The following OR14A16 variants were observed in gnomAD, a reference collection of about 807,000 sequenced individuals.
OR14A16 encodes the protein olfactory receptor 14A16.
For synonymous variants in OR14A16, 135 were observed against 137.6 expected (o/e 0.98, Z 0.13); for missense variants, 341 against 366.5 (o/e 0.93, Z 0.57).
chr1:247,821,768 G>C lies in OR14A16; in HGVS notation c.-131+2185C>G, dbSNP rs569601018. Among the ~76,000 whole-genome samples the C allele has an allele frequency of 1.1e-4, 16 of 146,050 alleles. 2 individuals are homozygous for C. In the South Asian group the frequency reaches 3.6e-3, roughly 32 times the overall value. On this transcript the variant is annotated intron_variant, in intron 1 of 2. Transcript: ENST00000641093. ...GGGTAGTACTTACTGCTGCCATTTTGTTAAATATTTTCTGGAGTTCTTTTG... is the reference window on the plus strand; with the variant it reads ...GGGTAGTACTTACTGCTGCCATTTTCTTAAATATTTTCTGGAGTTCTTTTG...
At position 247,816,302 on chromosome 1, in the gene OR14A16, G is replaced by A. The variant is rs116248530; in HGVS notation, c.-15-558C>T. ...ACTTACTCTCTAAAAAACTTTGTTT[G>A]CAGGTATTCTCACATTTGAAATTTT... On this transcript the variant is annotated intron_variant, in intron 2 of 2. Transcript: ENST00000641093. Among the ~76,000 whole-genome samples the A allele has an allele frequency of 4.0e-3, 607 of 152,292 alleles. 5 individuals carry two copies. The highest frequency in any genetic ancestry group is 4.6e-3 in the Non-Finnish European group (313 of 68,016).
In OR14A16 at chr1:247,814,834, C is replaced by A; in HGVS notation, c.896G>T (p.Gly299Val). The A allele has an allele frequency of 1.9e-6, 3 of 1,591,026 alleles. No homozygotes were observed. Among genetic ancestry groups the A allele is most frequent in the Non-Finnish European group, 2.6e-6 (3 of 1,172,356 alleles). Residue 299 changes from glycine to valine, a missense_variant, in exon 3 of 3, where the codon GGG (glycine) becomes GTG (valine). Gly to Val is a moderately radical substitution (Grantham distance 109). Coordinates refer to ENST00000641093, the MANE Select transcript of OR14A16 (RefSeq NM_001001966.2). The part of the protein sequence containing the change: ...LRNKAIKVAL[G>V]MLIKGKLTKK ...GGTGAGCTTTCCCTTTATCAACATCCCCAGAGCCACCTTTATGGCCTTGTT... is the reference window on the plus strand; with the variant it reads ...GGTGAGCTTTCCCTTTATCAACATCACCAGAGCCACCTTTATGGCCTTGTT...
chr1:247,816,506 C>T (rs1001396493), intron 2 of OR14A16, among the ~76,000 whole-genome samples: 5 of 152,106 alleles, frequency 3.3e-5, no homozygotes, highest in East Asian at 3.9e-4. Context: ...GCAGGTGGAT[C>T]GCCTGACGTC....
In OR14A16 at chr1:247,815,709, C is replaced by A; in HGVS notation, c.21G>T (p.Val7=). Residue 7 remains valine, a synonymous_variant, in exon 3 of 3, where the codon GTG becomes GTT. Transcript: ENST00000641093. ...AAAACCCCATAAGGATAAATTCAGTCACGATTGTGAGATTTGCCATTATTG... is the reference window on the plus strand; with the variant it reads ...AAAACCCCATAAGGATAAATTCAGTAACGATTGTGAGATTTGCCATTATTG... The part of the protein sequence containing the change: MANLTI[V]TEFILMGFST... 6.3e-7 allele frequency: 1 copy of A among 1,589,440 alleles called. No individual in the cohort carries two copies. The highest frequency in any genetic ancestry group is 1.1e-5 in the South Asian group (1 of 88,714).
intron 1 of OR14A16, among the ~76,000 whole-genome samples, chr1:247,821,830 C>T (rs1662745809): frequency 7.0e-6 from 1 of 142,622 alleles, no homozygotes. Context: ...CCTTTCTTCA[C>T]CTTTTGCTGT....
In OR14A16 at chr1:247,815,378, AG is replaced by A. The variant is rs774147113; in HGVS notation, c.351del (p.Phe118LeufsTer35). ...SAELLLLTVM[S>X]FDRYTAICHP... is the part of the protein sequence containing the mutation. Reference sequence around the variant, plus strand: ...TGACATATAGCAGTATAGCGGTCAAAGGACATCACCGTGAGGAGGAGCAGCT... The same window carrying A: ...TGACATATAGCAGTATAGCGGTCAAAGACATCACCGTGAGGAGGAGCAGCT... On this transcript the variant is annotated frameshift_variant, in exon 3 of 3. Coordinates refer to ENST00000641093, the MANE Select transcript of OR14A16 (RefSeq NM_001001966.2). LOFTEE classifies it low-confidence loss of function (END_TRUNC). 2 of 1,613,850 alleles carry A rather than the reference AG, an allele frequency of 1.2e-6. No homozygotes were observed. Among genetic ancestry groups the A allele is most frequent in the Admixed American group, 1.7e-5 (1 of 59,994 alleles).
intron 1 of OR14A16, among the ~76,000 whole-genome samples, chr1:247,819,985 T>C (rs1004001281): frequency 6.6e-6 from 1 of 152,262 alleles, no homozygotes; most frequent in African/African-American, 2.4e-5. Flanking sequence ...AAATATTCTA[T>C]GGTTTGGTCC....
At chr1:247,817,015 C>G (rs77623391) in intron 2 of OR14A16, among the ~76,000 whole-genome samples, 2,261 of 152,234 alleles carry the variant, frequency 0.015, 49 homozygotes, top group African/African-American at 0.048. Flanking sequence ...AGAAGGATCG[C>G]CACATAATTT....
chr1:247,815,171 A>G lies in OR14A16; in HGVS notation c.559T>C (p.Cys187Arg). The G allele has an allele frequency of 1.2e-6, 2 of 1,613,708 alleles. No homozygotes were observed. Among genetic ancestry groups the G allele is most frequent in the Non-Finnish European group, 1.7e-6 (2 of 1,179,646 alleles). ...CDIPQLLAIS[C>R]SENLIREIAL... Reference sequence around the variant, plus strand: ...ATTTCTCTTATTAAATTTTCTGAGCAAGAAATAGCTAATAACTGGGGAATG... The same window carrying G: ...ATTTCTCTTATTAAATTTTCTGAGCGAGAAATAGCTAATAACTGGGGAATG... The change falls in exon 3 of 3, where the codon TGC (cysteine) becomes CGC (arginine). Residue 187 changes from cysteine (C) to arginine (R), a missense_variant. Physicochemically the swap from Cys to Arg is radical, Grantham distance 180 (BLOSUM62 -3). Coordinates refer to ENST00000641093, the MANE Select transcript of OR14A16 (RefSeq NM_001001966.2).
chr1:247,822,057 C>G (rs542425711), intron 1 of OR14A16, among the ~76,000 whole-genome samples: 1 of 152,216 alleles, frequency 6.6e-6, no homozygotes, highest in East Asian at 1.9e-4. Flanking sequence ...TCTCTTATAT[C>G]ACAATTTATG....
rs971521295 is a variant in OR14A16, at chr1:247,821,163, T to C, written c.-130-1986A>G. On this transcript the variant is annotated intron_variant, in intron 1 of 2. Transcript: ENST00000641093. ...TCATTCATCTTAAACTTGTTAAAAA[T>C]CACATTGTGGCCTAACATTTGGTCT... 2.0e-5 allele frequency among the ~76,000 whole-genome samples: 3 copies of C among 152,254 alleles called. No individual in the cohort carries two copies. In the East Asian group the frequency reaches 5.8e-4, roughly 29 times the overall value.
At chr1:247,820,292 G>GA (rs1662707323) in intron 1 of OR14A16, among the ~76,000 whole-genome samples, 1 of 76,180 alleles carries the variant, frequency 1.3e-5, no homozygotes, top group Non-Finnish European at 3.3e-5. Flanking sequence ...GTGTAAGGGA[G>GA]AACTGGCATT....
chr1:247,817,154 TA>T (rs1662637585), intron 2 of OR14A16, among the ~76,000 whole-genome samples: 1 of 152,212 alleles, frequency 6.6e-6, no homozygotes, highest in Non-Finnish European at 1.5e-5. Context: ...AGTAAAATAT[TA>T]AAACTGTACT....
intron 2 of OR14A16, among the ~76,000 whole-genome samples, chr1:247,817,730 T>G (rs1572540194): frequency 1.3e-5 from 2 of 152,276 alleles, no homozygotes; most frequent in South Asian, 2.1e-4. Flanking sequence ...AGTCTTAAGT[T>G]TCTTGTTTCA....
At chr1:247,819,014 T>A (rs948556313) in intron 2 of OR14A16, 49 bp downstream of exon 2, 15 of 151,024 alleles carry the variant, frequency 9.9e-5, no homozygotes, top group Non-Finnish European at 1.6e-4. Flanking sequence ...AAATAAAAAA[T>A]TTTTAAAAAT....
chr1:247,818,256 T>C (rs556478736), intron 2 of OR14A16, among the ~76,000 whole-genome samples: 2 of 152,206 alleles, frequency 1.3e-5, no homozygotes, highest in Admixed American at 1.3e-4. Flanking sequence ...CTGGGGAGGA[T>C]GTAGAGAAAA....
chr1:247,815,759 G>A lies in OR14A16; in HGVS notation c.-15-15C>T, dbSNP rs11204514. 12,115 of 1,102,782 alleles carry A rather than the reference G, an allele frequency of 0.011. 808 individuals carry two copies. In the African/African-American group the frequency reaches 0.16, roughly 15 times the overall value. The allele number at this position is 1,102,782 out of a possible 1,614,324, so 68.3% of individuals were successfully genotyped here. A position where few individuals can be genotyped will look rare whatever the true frequency, so the allele number is the denominator to read the frequency against. On this transcript the variant is annotated splice_polypyrimidine_tract_variant and intron_variant, in intron 2 of 2. Coordinates refer to ENST00000641093, the MANE Select transcript of OR14A16 (RefSeq NM_001001966.2). The stretch of plus-strand genomic sequence containing the variant: ...GCAGGAGTAATCTGCAGGAAAAGGA[G>A]AAGACTGAAGTAAAATATCAATGTC...
intron 2 of OR14A16, among the ~76,000 whole-genome samples, chr1:247,816,280 T>G (rs1050763018): frequency 4.6e-5 from 7 of 152,222 alleles, no homozygotes; most frequent in Non-Finnish European, 1.0e-4. Context: ...TTAACCTACT[T>G]ACTCTCTAAA....
At position 247,823,981 on chromosome 1, in the gene OR14A16, G is replaced by T. The variant is rs1388999700; in HGVS notation, c.-159C>A. ...TACAATTGAAGTGGTGTCACTGTCTGGGGTAAATATCCAGGATTCACTGTC... is the reference window on the plus strand; with the variant it reads ...TACAATTGAAGTGGTGTCACTGTCTTGGGTAAATATCCAGGATTCACTGTC... On this transcript the variant is annotated 5_prime_UTR_variant, in exon 1 of 3. Transcript: ENST00000641093. The T allele has an allele frequency of 6.6e-6, 1 of 152,168 alleles. No homozygotes were observed. The highest frequency in any genetic ancestry group is 6.5e-5 in the Admixed American group (1 of 15,276). The allele number at this position is 152,168 out of a possible 1,614,324, so 9.4% of individuals were successfully genotyped here. A position where few individuals can be genotyped will look rare whatever the true frequency, so the allele number is the denominator to read the frequency against.
Sources: allele counts gnomAD v4.1 joint callset (sites outside exome capture counted in the v4.1 genomes callset), GRCh38; gene constraint gnomAD v4.1.1; transcripts MANE v1.5; gene names NCBI Gene and HGNC (gene_info 2026-07-23, HGNC 2026-07-21).